ASXL1: variants seen among roughly 807,000 people sequenced by gnomAD.
The protein encoded by ASXL1 is ASXL transcriptional regulator 1.
ASXL1 carries 65 observed loss-of-function variants against 89.1 expected under a neutral mutation model. That is an observed-to-expected ratio of 0.73 (90% CI 0.60 to 0.90). ASXL1 has a LOEUF of 0.90. Among genes scored for constraint, ASXL1 ranks in the 40% least tolerant of loss-of-function variants. ASXL1 has a pLI of 0.00. For synonymous variants in ASXL1, 739 were observed against 746.9 expected (o/e 0.99, Z 0.17); for missense variants, 1,786 against 1,942.9 (o/e 0.92, Z 1.52).
chr20:32,372,884 C>G (rs146034642), intron 4 of ASXL1, among the ~76,000 whole-genome samples: 5 of 151,476 alleles, frequency 3.3e-5, no homozygotes, highest in Admixed American at 3.3e-4. Flanking sequence ...TGAGCCACCG[C>G]GCCCAGCCTT....
rs760605807 is a variant in ASXL1 at position 32,437,233 on chromosome 20, G to A, written c.4521G>A (p.Ala1507=). The A allele has an allele frequency of 2.9e-5, 47 of 1,613,816 alleles. No individual in the cohort carries two copies. In the East Asian group the frequency reaches 8.0e-4, roughly 28 times the overall value. The part of the protein sequence containing the change: ...STVESISLQC[A]CSLKAMIMCQ... The stretch of plus-strand genomic sequence containing the variant: ...TGGAAAGCATCTCGCTCCAGTGTGC[G>A]TGCAGCCTGAAAGCCATGATCATGT... Residue 1507 remains alanine (A), a synonymous_variant, in exon 13 of 13, where the codon GCG becomes GCA. Transcript: ENST00000375687.
chr20:32,403,084 G>T (rs1323696291), intron 4 of ASXL1, among the ~76,000 whole-genome samples: 1 of 152,120 alleles, frequency 6.6e-6, no homozygotes, highest in African/African-American at 2.4e-5. Context: ...TAAGCATAAG[G>T]TTACATCAAT....
chr20:32,430,659 T>G, intron 8 of ASXL1: 1 of 230,178 alleles, frequency 4.3e-6, no homozygotes, highest in Non-Finnish European at 8.7e-6. Context: ...ATGAAACCAT[T>G]AAGAAGACAA....
chr20:32,382,393 C>A (rs1464922662), intron 4 of ASXL1, among the ~76,000 whole-genome samples: 2 of 152,032 alleles, frequency 1.3e-5, no homozygotes, highest in African/African-American at 4.8e-5. Context: ...AAGGAAAAAA[C>A]TGAACCCTTA....
chr20:32,375,590 C>T (rs752219252), intron 4 of ASXL1, among the ~76,000 whole-genome samples: 3 of 152,042 alleles, frequency 2.0e-5, no homozygotes, highest in Non-Finnish European at 4.4e-5. Flanking sequence ...CAAAATTATT[C>T]TTTGTGGCCT....
At chr20:32,405,461 AT>A (rs2048939477) in intron 4 of ASXL1, among the ~76,000 whole-genome samples, 2 of 152,166 alleles carry the variant, frequency 1.3e-5, no homozygotes. Flanking sequence ...TCCACAATAC[AT>A]TCATAAAATT....
At position 32,434,629 on chromosome 20, in the gene ASXL1, TGCCATCGGAGGGGG is replaced by T. The variant is rs765382861; in HGVS notation, c.1919_1932del (p.Ala640GlyfsTer13). On this transcript the variant is annotated frameshift_variant, in exon 13 of 13. Transcript: ENST00000375687. LOFTEE classifies it low-confidence loss of function (END_TRUNC). ...ACTGCCATAGAGAGGCGGCCACCAC[TGCCATCGGAGGGGG>T]GGGTGGCCCGGGTGGAGGTGGCGGC... 1 of 1,608,782 alleles carries T rather than the reference TGCCATCGGAGGGGG, an allele frequency of 6.2e-7. No individual in the cohort carries two copies. Among genetic ancestry groups the T allele is most frequent in the Non-Finnish European group, 8.5e-7 (1 of 1,177,502 alleles).
Position 32,434,835 on chromosome 20 carries a change from AG to A in ASXL1, c.2125del (p.Ala709ProfsTer16). 6.2e-7 allele frequency: 1 copy of A among 1,614,162 alleles called. No individual in the cohort carries two copies. The highest frequency in any genetic ancestry group is 8.5e-7 in the Non-Finnish European group (1 of 1,180,022). On this transcript the variant is annotated frameshift_variant, in exon 13 of 13. Transcript: ENST00000375687. LOFTEE classifies it low-confidence loss of function (END_TRUNC). Reference protein sequence around the residue: ...PPYPLNGEHTQAGTAMSRARR... With the variant: ...PPYPLNGEHTXAGTAMSRARR... ...TATCCTCTAAATGGGGAGCATACCC[AG>A]GCCGGAACTGCCATGTCCAGAGCTA...
chr20:32,378,158 T>TTGTGTGTGTGTGTGTG (rs142792019), intron 4 of ASXL1, among the ~76,000 whole-genome samples: 2,931 of 130,220 alleles, frequency 0.023, 129 homozygotes, highest in African/African-American at 0.082. Context: ...GCTGAGTAAT[T>TTGTGTGTGTGTGTGTG]TGTGTGTGTG....
chr20:32,385,847 T>C (rs1005879072), intron 4 of ASXL1, among the ~76,000 whole-genome samples: 1 of 152,242 alleles, frequency 6.6e-6, no homozygotes, highest in Non-Finnish European at 1.5e-5. Context: ...CCCATGGCAG[T>C]TGCAGAAAAA....
At chr20:32,374,747 A>C (rs993031009) in intron 4 of ASXL1, among the ~76,000 whole-genome samples, 3 of 152,226 alleles carry the variant, frequency 2.0e-5, no homozygotes, top group Non-Finnish European at 4.4e-5. Context: ...GGAATGGATG[A>C]GAAAGGATAT....
intron 4 of ASXL1, among the ~76,000 whole-genome samples, chr20:32,374,112 A>G (rs1233023503): frequency 6.6e-6 from 1 of 152,122 alleles, no homozygotes; most frequent in Non-Finnish European, 1.5e-5. Context: ...TCCTGGGCTC[A>G]AGCAATCCTT....
rs150526871 is a variant in ASXL1, at chr20:32,429,929, G to A, written c.594G>A (p.Glu198=). 269 of 1,608,190 alleles carry A rather than the reference G, an allele frequency of 1.7e-4. No individual in the cohort carries two copies. The highest frequency in any genetic ancestry group is 2.2e-4 in the Non-Finnish European group (259 of 1,179,564). ...SGFSGCHADG[E]SGSPSSSSSG... ...TCTCGGGCTGCCACGCCGATGGCGA[G>A]AGCGGCAGCCCGTCCAGCAGCAGCA... is the stretch of plus-strand genomic sequence containing the variant. The change falls in exon 8 of 13, where the codon GAG becomes GAA. Residue 198 remains glutamate, a synonymous_variant. Transcript: ENST00000375687. This position sits in a 1 kb window ranked among gnomAD's most constrained non-coding sequence, Gnocchi z 4.9.
At chr20:32,359,249 G>A (rs2048068028) in intron 1 of ASXL1, 1 of 702,102 alleles carries the variant, frequency 1.4e-6, no homozygotes. Context: ...TGGGTAATGG[G>A]GTGGTGCCTT....
At chr20:32,364,933 G>T (rs2048181085) in intron 1 of ASXL1, among the ~76,000 whole-genome samples, 1 of 152,160 alleles carries the variant, frequency 6.6e-6, no homozygotes, top group South Asian at 2.1e-4. Context: ...ATATTAAGAG[G>T]CTGTTGTGTT....
At chr20:32,370,504 C>T (rs2048284035) in intron 4 of ASXL1, among the ~76,000 whole-genome samples, 1 of 152,064 alleles carries the variant, frequency 6.6e-6, no homozygotes, top group Admixed American at 6.6e-5. Context: ...CTTTGTCGAC[C>T]CCTGATTTAG....
intron 4 of ASXL1, among the ~76,000 whole-genome samples, chr20:32,413,503 T>C (rs1448216785): frequency 6.7e-6 from 1 of 149,660 alleles, no homozygotes; most frequent in Non-Finnish European, 1.5e-5. Context: ...TATTAACAGC[T>C]GTACAATTCT....
Position 32,434,936 on chromosome 20 carries a change from G to T in ASXL1, c.2224G>T (p.Gly742Trp), listed in dbSNP as rs1375465937. 9 of 1,614,166 alleles carry T rather than the reference G, an allele frequency of 5.6e-6. No individual in the cohort carries two copies. The highest frequency in any genetic ancestry group is 7.6e-6 in the Non-Finnish European group (9 of 1,180,028). The change falls in exon 13 of 13, where the codon GGG (glycine) becomes TGG (tryptophan). Residue 742 changes from glycine (G) to tryptophan (W), a missense_variant. This residue lies in a region of ASXL1 where 1,418 missense variants were observed against 1,427.8 expected (regional missense o/e 0.99). Transcript: ENST00000375687. ...LQRATVGLTD[G>W]LGDASQLPVA... ...GAGGGCTACAGTTGGACTCACAGAT[G>T]GGCTAGGAGATGCCTCCCAACTCCC...
rs918985935 is a variant in ASXL1 at position 32,438,882 on chromosome 20, CTG to C, written c.*1552_*1553del. ...ACATGTTTCCAGCAAGTAGATGCCC[CTG>C]TGTGTGTTTTCCCTTGCCTTGTTTC... On this transcript the variant is annotated 3_prime_UTR_variant, in exon 13 of 13. Coordinates refer to ENST00000375687, the MANE Select transcript of ASXL1 (RefSeq NM_015338.6). 4.3e-5 allele frequency: 10 copies of C among 233,374 alleles called. No homozygotes were observed. The highest frequency in any genetic ancestry group is 5.9e-5 in the Non-Finnish European group (7 of 118,076). The allele number at this position is 233,374 out of a possible 1,614,324, so 14.5% of individuals were successfully genotyped here. A position where few individuals can be genotyped will look rare whatever the true frequency, so the allele number is the denominator to read the frequency against.
Sources: allele counts gnomAD v4.1 joint callset (sites outside exome capture counted in the v4.1 genomes callset), GRCh38; gene constraint gnomAD v4.1.1; regional missense constraint gnomAD v4.1.1; non-coding constraint Gnocchi (gnomAD v3.1); transcripts MANE v1.5; gene names NCBI Gene and HGNC (gene_info 2026-07-23, HGNC 2026-07-21).